Variants in CLTC observed in about 807,000 individuals in gnomAD.
CLTC encodes the protein clathrin heavy chain 1.
CLTC carries 16 observed loss-of-function variants against 195.8 expected under a neutral mutation model. That is an observed-to-expected ratio of 0.08 (90% CI 0.06 to 0.12). The LOEUF is 0.12. CLTC is among the 10% of genes least tolerant of loss of function. CLTC has a pLI of 1.00. For missense variants in CLTC, 796 were observed against 2,027.0 expected, an observed-to-expected ratio of 0.39 and a Z score of 11.66; for synonymous variants, 667 against 689.4, an observed-to-expected ratio of 0.97 and a Z score of 0.51.
chr17:59,663,531 T>C (rs2032657423), intron 8 of CLTC, among the ~76,000 whole-genome samples: 2 of 152,216 alleles, frequency 1.3e-5, no homozygotes. Context: ...TCTTAGTAGC[T>C]AGAAGTACAA....
chr17:59,682,583 C>A lies in CLTC; in HGVS notation c.3601-46C>A. 1 of 1,602,094 alleles carries A rather than the reference C, an allele frequency of 6.2e-7. No homozygotes were observed. Among genetic ancestry groups the A allele is most frequent in the Admixed American group, 1.7e-5 (1 of 58,934 alleles). ...ATATCAATTTGAAAAGAGGATTAAG[C>A]TCACACTAATATCTTGCTGAATGTG... On this transcript the variant is annotated intron_variant, in intron 22 of 31. Transcript: ENST00000269122. The surrounding 1 kb of genome is among the most constrained non-coding windows in gnomAD (Gnocchi z 6.8).
chr17:59,626,314 A>T (rs16943705), intron 1 of CLTC, among the ~76,000 whole-genome samples: 323 of 152,318 alleles, frequency 2.1e-3, no homozygotes, highest in African/African-American at 7.6e-3. Context: ...TATTGATATG[A>T]TACAAAGTTG....
intron 1 of CLTC, among the ~76,000 whole-genome samples, chr17:59,640,889 G>T (rs1420562972): frequency 6.6e-6 from 1 of 151,962 alleles, no homozygotes; most frequent in African/African-American, 2.4e-5. Flanking sequence ...GGGAGGCCAA[G>T]GCGGACGGAA....
intron 14 of CLTC, among the ~76,000 whole-genome samples, chr17:59,672,832 C>G (rs1256651243): frequency 6.6e-6 from 1 of 152,212 alleles, no homozygotes; most frequent in Middle Eastern, 3.4e-3. Flanking sequence ...TTCTGCTTCC[C>G]TAGTAGACTG....
chr17:59,650,847 C>G (rs2032311127), intron 4 of CLTC, among the ~76,000 whole-genome samples: 1 of 152,102 alleles, frequency 6.6e-6, no homozygotes, highest in African/African-American at 2.4e-5. Flanking sequence ...AGTGATTTCC[C>G]TTATGACTGT....
chr17:59,641,044 G>T (rs1202557612), intron 1 of CLTC, among the ~76,000 whole-genome samples: 3 of 151,042 alleles, frequency 2.0e-5, no homozygotes, highest in Non-Finnish European at 4.4e-5. Flanking sequence ...GCTTGAACTG[G>T]GGAGGTAGAG....
chr17:59,679,767 A>G (rs1337875307), intron 18 of CLTC, among the ~76,000 whole-genome samples: 1 of 152,080 alleles, frequency 6.6e-6, no homozygotes, highest in Non-Finnish European at 1.5e-5. Flanking sequence ...ATATGTATAT[A>G]ACATACATTA....
intron 4 of CLTC, among the ~76,000 whole-genome samples, chr17:59,650,609 T>A (rs1331806784): frequency 6.6e-6 from 1 of 150,610 alleles, no homozygotes; most frequent in Non-Finnish European, 1.5e-5. Flanking sequence ...TGCCTCAGCC[T>A]CCCGAGTATC....
Position 59,683,077 on chromosome 17 carries a change from C to A in CLTC, c.3874-18C>A. The stretch of plus-strand genomic sequence containing the variant: ...CCATAGATATTCTTATCTTTAACTG[C>A]ACATTTCTCTTGTTCAGGATCGTGG... On this transcript the variant is annotated intron_variant, in intron 24 of 31. Transcript: ENST00000269122. This position sits in a 1 kb window ranked among gnomAD's most constrained non-coding sequence, Gnocchi z 6.1. 1 of 1,613,952 alleles carries A rather than the reference C, an allele frequency of 6.2e-7. No homozygotes were observed. The highest frequency in any genetic ancestry group is 8.5e-7 in the Non-Finnish European group (1 of 1,179,894).
rs186222560 is a variant in CLTC, at chr17:59,685,750, A to G, written c.4769A>G (p.Asn1590Ser). Reference protein sequence around the residue: ...DVVLETAWRHNIMDFAMPYFI... With the variant: ...DVVLETAWRHSIMDFAMPYFI... Reference sequence around the variant, plus strand: ...GTCCTAGAAACTGCATGGAGGCACAATATCATGGATTTTGCCATGCCCTAT... The same window carrying G: ...GTCCTAGAAACTGCATGGAGGCACAGTATCATGGATTTTGCCATGCCCTAT... Residue 1590 changes from asparagine (N) to serine (S), a missense_variant, in exon 30 of 32, where the codon AAT (asparagine) becomes AGT (serine). Physicochemically the swap from Asn to Ser is conservative, Grantham distance 46. Around this residue, in one of 9 missense-constraint regions of CLTC, gnomAD observed 148 missense variants for 279.5 expected, o/e 0.53. Transcript: ENST00000269122. The surrounding 1 kb of genome is among the most constrained non-coding windows in gnomAD (Gnocchi z 5.0). The G allele has an allele frequency of 6.3e-5, 101 of 1,614,128 alleles. No homozygotes were observed. The East Asian group carries it at 1.9e-3, about 31-fold the overall frequency.
intron 13 of CLTC, chr17:59,667,178 T>C (rs752588259): frequency 1.3e-5 from 5 of 375,390 alleles, no homozygotes; most frequent in Non-Finnish European, 2.4e-5. Flanking sequence ...GACCATCTGT[T>C]TGGATATTTT....
intron 1 of CLTC, among the ~76,000 whole-genome samples, chr17:59,620,412 A>C (rs2031331630): frequency 6.6e-6 from 1 of 152,114 alleles, no homozygotes; most frequent in Admixed American, 6.5e-5. Flanking sequence ...CTGGATCCAA[A>C]GGCCTCTCGA....
intron 14 of CLTC, among the ~76,000 whole-genome samples, 158 bp downstream of exon 14, chr17:59,669,098 G>C (rs950394872): frequency 6.6e-6 from 1 of 151,942 alleles, no homozygotes; most frequent in African/African-American, 2.4e-5. Flanking sequence ...AATATTCTGT[G>C]GTTTCCTTTG....
At position 59,693,638 on chromosome 17, in the gene CLTC, G is replaced by A. The variant is rs2033359223; in HGVS notation, c.4904-90G>A. 20 of 1,407,370 alleles carry A rather than the reference G, an allele frequency of 1.4e-5. No homozygotes were observed. In the South Asian group the frequency reaches 2.8e-4, roughly 20 times the overall value. 87.2% of individuals were successfully genotyped at this position (1,407,370 alleles called of 1,614,324 possible). ...TTGAGGTTGAGATTATGTTGCTAGA[G>A]TGGAGGAGATTGGAGTGTTCTAAAT... On this transcript the variant is annotated intron_variant, in intron 31 of 31. Coordinates refer to ENST00000269122, the MANE Select transcript of CLTC (RefSeq NM_004859.4).
intron 4 of CLTC, among the ~76,000 whole-genome samples, chr17:59,649,330 C>G (rs7220146): frequency 6.6e-6 from 1 of 152,010 alleles, no homozygotes; most frequent in African/African-American, 2.4e-5. Flanking sequence ...CTTGGAAATT[C>G]GATTTGACTA....
chr17:59,658,382 C>T (rs2032526647), intron 6 of CLTC, among the ~76,000 whole-genome samples: 1 of 152,170 alleles, frequency 6.6e-6, no homozygotes, highest in Admixed American at 6.5e-5. Context: ...AGCGCTTAAC[C>T]TTAAATAATT....
Position 59,647,609 on chromosome 17 carries a change from C to T in CLTC, c.462C>T (p.Ile154=). 1 of 1,614,096 alleles carries T rather than the reference C, an allele frequency of 6.2e-7. No homozygotes were observed. The highest frequency in any genetic ancestry group is 1.1e-5 in the South Asian group (1 of 91,082). ...CTAGCCTTGCAGGGTGCCAGATTAT[C>T]AATTACCGTACAGATGCAAAACAAA... ...RHSSLAGCQI[I]NYRTDAKQKW... The change falls in exon 3 of 32, where the codon ATC becomes ATT. Residue 154 remains isoleucine (I), a synonymous_variant. Transcript: ENST00000269122.
intron 1 of CLTC, among the ~76,000 whole-genome samples, chr17:59,625,352 C>T (rs2031517121): frequency 6.6e-6 from 1 of 151,606 alleles, no homozygotes; most frequent in South Asian, 2.1e-4. Context: ...GTCTCAATCT[C>T]TTGACCTCGT....
At position 59,685,814 on chromosome 17, in the gene CLTC, G is replaced by T; in HGVS notation, c.4827+6G>T. ...TGAAGGAGTACTTGACAAAGGTAAT[G>T]ACTCTTCTAAGTGTATTCAGAACTA... On this transcript the variant is annotated splice_donor_region_variant and intron_variant, in intron 30 of 31. Transcript: ENST00000269122. The surrounding 1 kb of genome is among the most constrained non-coding windows in gnomAD (Gnocchi z 5.0). The T allele has an allele frequency of 6.2e-7, 1 of 1,607,046 alleles. No homozygotes were observed. The highest frequency in any genetic ancestry group is 1.1e-5 in the South Asian group (1 of 90,710).
Sources: gnomAD v4.1 joint callset for allele counts (sites outside exome capture counted in the v4.1 genomes callset) on GRCh38, gnomAD v4.1.1 for gene constraint, gnomAD v4.1.1 regional missense constraint, Gnocchi (gnomAD v3.1) non-coding constraint, MANE v1.5 for transcripts, NCBI Gene and HGNC (gene_info 2026-07-23, HGNC 2026-07-21) for gene names.